SLA2: variants seen among roughly 807,000 people sequenced by gnomAD.
The protein encoded by SLA2 is Src like adaptor 2, also known as src-like-adapter 2.
Under a neutral mutation model 27.3 loss-of-function variants are expected in SLA2, and 22 were observed. The ratio of observed to expected loss-of-function variants is 0.81; its 90% CI spans 0.58 to 1.15. The LOEUF (loss-of-function observed/expected upper bound fraction) is 1.15. Ranked by LOEUF, SLA2 falls within the 50% of genes most tolerant of loss-of-function variation. SLA2 has a pLI of 0.00. For synonymous variants in SLA2, 131 were observed against 137.8 expected, an observed-to-expected ratio of 0.95 and a Z score of 0.34; for missense variants, 304 against 322.2, an observed-to-expected ratio of 0.94 and a Z score of 0.43.
At chr20:36,643,473 G>T (rs1308787728) in intron 1 of SLA2, among the ~76,000 whole-genome samples, 1 of 152,202 alleles carries the variant, frequency 6.6e-6, no homozygotes, top group Non-Finnish European at 1.5e-5. Flanking sequence ...GAATGGGGTG[G>T]TGACAGAGTG....
At position 36,642,581 on chromosome 20, in the gene SLA2, T is replaced by C. The variant is rs561035993; in HGVS notation, c.-43-1203A>G. On this transcript the variant is annotated intron_variant, in intron 1 of 7. Transcript: ENST00000262866. ...ACCACATCCAGCCTCTTTGCAAATT[T>C]TGTTTTGTTTTGTTTTTTTAATACA... 6.6e-5 allele frequency among the ~76,000 whole-genome samples: 10 copies of C among 151,876 alleles called. No individual in the cohort carries two copies. The East Asian group carries it at 2.0e-3, about 30-fold the overall frequency.
chr20:36,618,178 A>G (rs989849116), intron 5 of SLA2, among the ~76,000 whole-genome samples: 3 of 151,928 alleles, frequency 2.0e-5, no homozygotes, highest in African/African-American at 7.2e-5. Context: ...AAGTAAAAAG[A>G]TGGAAAAAAG....
At chr20:36,633,775 TC>T in intron 3 of SLA2, 146 bp from the exon 4 acceptor site, 1 of 626,994 alleles carries the variant, frequency 1.6e-6, no homozygotes, top group Non-Finnish European at 2.8e-6. Flanking sequence ...CACTAGCCTG[TC>T]CAGGTACCTC....
At chr20:36,623,113 A>G (rs2039301516) in intron 5 of SLA2, among the ~76,000 whole-genome samples, 1 of 152,094 alleles carries the variant, frequency 6.6e-6, no homozygotes, top group South Asian at 2.1e-4. Context: ...CTACAAAAAT[A>G]GAAAAATTAG....
intron 5 of SLA2, among the ~76,000 whole-genome samples, chr20:36,619,359 C>G (rs2039253991): frequency 6.6e-6 from 1 of 150,408 alleles, no homozygotes; most frequent in Non-Finnish European, 1.5e-5. Context: ...AACCCCATCT[C>G]TACTAAAAAT....
At chr20:36,626,247 C>G (rs1286420737) in intron 5 of SLA2, among the ~76,000 whole-genome samples, 3 of 151,932 alleles carry the variant, frequency 2.0e-5, no homozygotes, top group Non-Finnish European at 4.4e-5. Flanking sequence ...CAAAAATTAG[C>G]TGGGCGTGGT....
At position 36,632,713 on chromosome 20, in the gene SLA2, G is replaced by A. The variant is rs1052649197; in HGVS notation, c.279-15C>T. The A allele has an allele frequency of 6.2e-7, 1 of 1,608,636 alleles. No individual in the cohort carries two copies. Among genetic ancestry groups the A allele is most frequent in the Non-Finnish European group, 8.5e-7 (1 of 1,176,062 alleles). ...CATACAGCCACCTGGCGGAGCGAAA[G>A]AGAGGGACAAGGGACAGGGTCAGCC... On this transcript the variant is annotated splice_polypyrimidine_tract_variant and intron_variant, in intron 4 of 7. Transcript: ENST00000262866.
chr20:36,619,790 G>A (rs910759999), intron 5 of SLA2, among the ~76,000 whole-genome samples: 3 of 38,136 alleles, frequency 7.9e-5, no homozygotes, highest in Non-Finnish European at 1.6e-4. Context: ...GTCACCACAC[G>A]TGGCTATTTT....
intron 5 of SLA2, among the ~76,000 whole-genome samples, chr20:36,616,762 T>C (rs2039217082): frequency 6.6e-6 from 1 of 152,218 alleles, no homozygotes; most frequent in African/African-American, 2.4e-5. Context: ...ATTATAGGCG[T>C]GAACCACCCC....
At chr20:36,632,726 G>C in intron 4 of SLA2, 28 bp from the exon 5 acceptor site, 1 of 1,591,160 alleles carries the variant, frequency 6.3e-7, no homozygotes, top group Non-Finnish European at 8.6e-7. Flanking sequence ...AGGGACAAGG[G>C]ACAGGGTCAG....
chr20:36,637,153 T>C (rs1343663318), intron 2 of SLA2, among the ~76,000 whole-genome samples: 2 of 151,966 alleles, frequency 1.3e-5, no homozygotes, highest in Admixed American at 6.6e-5. Context: ...TGACCCTTGT[T>C]CTATTAGTCA....
intron 2 of SLA2, among the ~76,000 whole-genome samples, chr20:36,637,138 T>C (rs941273450): frequency 6.6e-6 from 1 of 151,244 alleles, no homozygotes; most frequent in African/African-American, 2.4e-5. Context: ...GAAATAGAAG[T>C]GAGGTGACCC....
At chr20:36,644,654 C>T (rs946493317) in intron 1 of SLA2, among the ~76,000 whole-genome samples, 1 of 152,124 alleles carries the variant, frequency 6.6e-6, no homozygotes, top group Non-Finnish European at 1.5e-5. Flanking sequence ...GCCAATAAGC[C>T]CCTGGGGGCA....
chr20:36,626,876 ATAAACC>A (rs1160436389), intron 5 of SLA2, among the ~76,000 whole-genome samples: 1 of 151,688 alleles, frequency 6.6e-6, no homozygotes, highest in Non-Finnish European at 1.5e-5. Flanking sequence ...AAGAAAAGAG[ATAAACC>A]TATTATAGCT....
rs79309631 is a variant in SLA2, at chr20:36,615,842, A to G, written c.383-468T>C. Among the ~76,000 whole-genome samples, 813 of 152,314 alleles carry G rather than the reference A, an allele frequency of 5.3e-3. 7 individuals carry two copies. The highest frequency in any genetic ancestry group is 0.018 in the African/African-American group (764 of 41,558). The stretch of plus-strand genomic sequence containing the variant: ...AACCCAGCAGTTCTTCCCAGGCACA[A>G]TACCTCAGAAGCACACAAGCAATAT... On this transcript the variant is annotated intron_variant, in intron 5 of 7. Transcript: ENST00000262866.
chr20:36,613,757 T>TTGCCCCCCCC lies in SLA2; in HGVS notation c.*108_*109insGGGGGGGGCA. 2.1e-6 allele frequency: 1 copy of TTGCCCCCCCC among 471,824 alleles called. No homozygotes were observed. Among genetic ancestry groups the TTGCCCCCCCC allele is most frequent in the Non-Finnish European group, 4.1e-6 (1 of 246,220 alleles). The allele number at this position is 471,824 out of a possible 1,614,324, so 29.2% of individuals were successfully genotyped here. ...GTGGGACCCTAGATGCACCTCTGTG[T>TTGCCCCCCCC]CCCACCCTCCCTCCCTGAGTGCACA... is the stretch of plus-strand genomic sequence containing the variant. On this transcript the variant is annotated 3_prime_UTR_variant, in exon 8 of 8. Transcript: ENST00000262866.
intron 5 of SLA2, among the ~76,000 whole-genome samples, chr20:36,625,272 G>T (rs2039326023): frequency 7.1e-6 from 1 of 139,862 alleles, no homozygotes; most frequent in Non-Finnish European, 1.5e-5. Flanking sequence ...GCCCAGCCTG[G>T]AACACAATTG....
At chr20:36,622,863 A>T (rs2147982617) in intron 5 of SLA2, among the ~76,000 whole-genome samples, 1 of 152,348 alleles carries the variant, frequency 6.6e-6, no homozygotes, top group East Asian at 1.9e-4. Context: ...CTCTTTTTGC[A>T]ATGTAAGGTA....
At chr20:36,623,156 G>A (rs542324020) in intron 5 of SLA2, among the ~76,000 whole-genome samples, 5 of 150,572 alleles carry the variant, frequency 3.3e-5, no homozygotes, top group Non-Finnish European at 5.9e-5. Context: ...GTAATCTCAG[G>A]TACTCCAGAG....
Sources: gnomAD v4.1 joint callset for allele counts (sites outside exome capture counted in the v4.1 genomes callset) on GRCh38, gnomAD v4.1.1 for gene constraint, MANE v1.5 for transcripts, NCBI Gene and HGNC (gene_info 2026-07-23, HGNC 2026-07-21) for gene names.